The following PCDHA13 variants were observed in gnomAD, a reference collection of about 807,000 sequenced individuals.
PCDHA13 encodes the protein protocadherin alpha-13.
Under a neutral mutation model 64.8 loss-of-function variants are expected in PCDHA13, and 54 were observed. The ratio of observed to expected loss-of-function variants is 0.83; its 90% CI spans 0.67 to 1.04. The LOEUF (loss-of-function observed/expected upper bound fraction) is 1.04, where lower values mean the gene tolerates loss of function less well. Ranked by LOEUF, PCDHA13 falls within the 50% of genes least tolerant of loss-of-function variation. The pLI, the probability that PCDHA13 is intolerant of heterozygous loss-of-function variation, is 0.00. For missense variants in PCDHA13, 1,248 were observed against 1,254.3 expected (o/e 0.99, Z 0.08); for synonymous variants, 587 against 564.4 (o/e 1.04, Z -0.57).
intron 1 of PCDHA13, among the ~76,000 whole-genome samples, chr5:140,964,114 C>T (rs1227257943): frequency 6.6e-6 from 1 of 151,992 alleles, no homozygotes; most frequent in Non-Finnish European, 1.5e-5. Context: ...TGAGCAATCA[C>T]ATTCTAACAA....
chr5:140,909,070 C>T (rs2074299054), intron 1 of PCDHA13, among the ~76,000 whole-genome samples: 1 of 152,146 alleles, frequency 6.6e-6, no homozygotes, highest in Non-Finnish European at 1.5e-5. Flanking sequence ...CACCAATAAG[C>T]CCAGTGTGTT....
Position 140,882,629 on chromosome 5 carries a change from G to A in PCDHA13, c.361G>A (p.Val121Met). The change falls in exon 1 of 4, where the codon GTG (valine) becomes ATG (methionine). Residue 121 changes from valine (V) to methionine (M), a missense_variant. Val to Met is a conservative substitution (Grantham distance 21). Coordinates refer to ENST00000289272, the MANE Select transcript of PCDHA13 (RefSeq NM_018904.3). ...DRPLQVFHVE[V>M]KVRDINDNPP... ...GCCTCTGCAGGTTTTCCATGTGGAG[G>A]TGAAGGTGAGGGACATTAACGACAA... 1 of 1,614,254 alleles carries A rather than the reference G, an allele frequency of 6.2e-7. No homozygotes were observed. The highest frequency in any genetic ancestry group is 1.7e-5 in the Admixed American group (1 of 60,032).
chr5:140,906,337 C>A (rs2072574983), intron 1 of PCDHA13, among the ~76,000 whole-genome samples: 1 of 152,192 alleles, frequency 6.6e-6, no homozygotes, highest in Non-Finnish European at 1.5e-5. Flanking sequence ...ATCCTTCATA[C>A]AACCAAGAAT....
intron 1 of PCDHA13, chr5:140,967,190 AACG>A (rs781897780): frequency 6.2e-7 from 1 of 1,613,418 alleles, no homozygotes; most frequent in Non-Finnish European, 8.5e-7. Context: ...ATTGGACATC[AACG>A]ACAACTCACC....
chr5:140,927,169 T>A, intron 1 of PCDHA13: 1 of 1,614,172 alleles, frequency 6.2e-7, no homozygotes, highest in Non-Finnish European at 8.5e-7. Context: ...CAAAGCTGCC[T>A]GCGTCTTGAC....
intron 2 of PCDHA13, 138 bp from the exon 3 acceptor site, chr5:140,982,337 A>G: frequency 6.9e-7 from 1 of 1,455,066 alleles, no homozygotes; most frequent in East Asian, 2.5e-5. Context: ...CTCAGCAGTA[A>G]TTGCTTCAGT....
At position 140,882,404 on chromosome 5, in the gene PCDHA13, G is replaced by T; in HGVS notation, c.136G>T (p.Gly46Cys). 6.2e-7 allele frequency: 1 copy of T among 1,614,152 alleles called. No homozygotes were observed. Among genetic ancestry groups the T allele is most frequent in the Non-Finnish European group, 8.5e-7 (1 of 1,180,042 alleles). ...PEEAKHGTFV[G>C]RIAQDLGLEL... ...GGAAGCAAAACACGGCACCTTCGTG[G>T]GCCGCATCGCTCAGGACCTGGGGCT... Residue 46 changes from glycine (G) to cysteine (C), a missense_variant, in exon 1 of 4, where the codon GGC (glycine) becomes TGC (cysteine). Gly to Cys is a radical substitution (Grantham distance 159). Transcript: ENST00000289272.
chr5:140,963,551 G>C (rs2095774327), intron 1 of PCDHA13, among the ~76,000 whole-genome samples: 1 of 152,158 alleles, frequency 6.6e-6, no homozygotes, highest in African/African-American at 2.4e-5. Flanking sequence ...GATATAAAAA[G>C]GGGCTGTTTT....
At chr5:140,937,507 C>G (rs1427417860) in intron 1 of PCDHA13, among the ~76,000 whole-genome samples, 1 of 152,106 alleles carries the variant, frequency 6.6e-6, no homozygotes, top group Non-Finnish European at 1.5e-5. Context: ...ATCCCAGCTA[C>G]TCAGGAGGCT....
intron 1 of PCDHA13, among the ~76,000 whole-genome samples, chr5:140,933,464 A>G (rs1257783133): frequency 1.3e-5 from 2 of 152,074 alleles, no homozygotes; most frequent in African/African-American, 4.8e-5. Flanking sequence ...TATACTCTGA[A>G]TTCAAACACA....
intron 3 of PCDHA13, among the ~76,000 whole-genome samples, chr5:141,006,067 A>T (rs1202024176): frequency 3.3e-5 from 5 of 151,950 alleles, no homozygotes; most frequent in African/African-American, 1.2e-4. Context: ...AGAAATAAAA[A>T]TCAGATTATT....
intron 1 of PCDHA13, chr5:140,926,893 A>G: frequency 1.3e-6 from 2 of 1,547,320 alleles, no homozygotes; most frequent in Non-Finnish European, 1.7e-6. Context: ...TAGAGGGAGG[A>G]TGGTGGGCTG....
At chr5:141,000,395 CTATATATA>C (rs1190667031) in intron 3 of PCDHA13, among the ~76,000 whole-genome samples, 7 of 53,980 alleles carry the variant, frequency 1.3e-4, no homozygotes, top group South Asian at 8.9e-4. Flanking sequence ...CTCTCTCTCT[CTATATATA>C]TATATATATA....
At chr5:140,985,459 C>A (rs1587084925) in intron 3 of PCDHA13, among the ~76,000 whole-genome samples, 1 of 152,236 alleles carries the variant, frequency 6.6e-6, no homozygotes, top group East Asian at 1.9e-4. Flanking sequence ...GGGAAATGCT[C>A]CAAAAAATTT....
chr5:140,944,334 C>T (rs547924304), intron 1 of PCDHA13, among the ~76,000 whole-genome samples: 131 of 152,138 alleles, frequency 8.6e-4, no homozygotes, highest in African/African-American at 3.0e-3. Flanking sequence ...ATTACAAGCA[C>T]GTGCCACCAC....
chr5:141,010,470 G>A lies in PCDHA13; in HGVS notation c.*533G>A. ...ACAGCGGAAGTTATCAGTATGGAGG[G>A]GAAGTGTAAACTTAAAGGGACCAGA... On this transcript the variant is annotated 3_prime_UTR_variant, in exon 4 of 4. Transcript: ENST00000289272. The A allele has an allele frequency of 2.6e-6, 2 of 780,290 alleles. No homozygotes were observed. The highest frequency in any genetic ancestry group is 3.0e-5 in the East Asian group (1 of 33,872). 48.3% of individuals were successfully genotyped at this position (780,290 alleles called of 1,614,324 possible).
At chr5:140,995,352 C>T (rs976879377) in intron 3 of PCDHA13, among the ~76,000 whole-genome samples, 2 of 152,006 alleles carry the variant, frequency 1.3e-5, no homozygotes, top group Non-Finnish European at 2.9e-5. Context: ...ATGGATAGGT[C>T]GGACAGAGGG....
At chr5:141,000,900 G>T (rs1020896392) in intron 3 of PCDHA13, among the ~76,000 whole-genome samples, 4 of 151,614 alleles carry the variant, frequency 2.6e-5, no homozygotes, top group African/African-American at 9.7e-5. Context: ...AGATATAGAC[G>T]CTGTCTCTAA....
chr5:140,940,265 C>T (rs782351194), intron 1 of PCDHA13, among the ~76,000 whole-genome samples: 1 of 152,116 alleles, frequency 6.6e-6, no homozygotes, highest in Non-Finnish European at 1.5e-5. Flanking sequence ...CTTCTGGGTT[C>T]CACTGTTGTC....
Sources: gnomAD v4.1 joint callset for allele counts (sites outside exome capture counted in the v4.1 genomes callset) on GRCh38, gnomAD v4.1.1 for gene constraint, MANE v1.5 for transcripts, NCBI Gene and HGNC (gene_info 2026-07-23, HGNC 2026-07-21) for gene names.